The following ACCSL variants were observed in gnomAD, a reference collection of about 807,000 sequenced individuals.
ACCSL encodes 1-aminocyclopropane-1-carboxylate synthase homolog (inactive) like, also known as probable inactive 1-aminocyclopropane-1-carboxylate synthase-like protein 2.
In ACCSL, 55 loss-of-function variants were observed where a neutral mutation model predicts 61.7. That is an observed-to-expected ratio of 0.89 (90% confidence interval 0.72 to 1.12). The LOEUF (loss-of-function observed/expected upper bound fraction) is 1.12. ACCSL is among the 50% of genes most tolerant of loss of function. ACCSL has a pLI of 0.00. For synonymous variants in ACCSL, 258 were observed against 264.3 expected, an observed-to-expected ratio of 0.98 and a Z score of 0.23; for missense variants, 632 against 698.0, an observed-to-expected ratio of 0.91 and a Z score of 1.07.
chr11:43,982,224 C>G, the ACCSL span, among the ~76,000 whole-genome samples: 66 of 114,826 alleles, frequency 5.7e-4, no homozygotes, highest in Admixed American at 1.4e-3. Context: ...CCCCAAGGCC[C>G]TCTTTTTTTT....
At chr11:44,024,914 A>T in the ACCSL span, among the ~76,000 whole-genome samples, 1 of 152,152 alleles carries the variant, frequency 6.6e-6, no homozygotes, top group Non-Finnish European at 1.5e-5. Flanking sequence ...TGATATATTT[A>T]TCATTTTATT....
At chr11:43,966,079 C>A in the ACCSL span, among the ~76,000 whole-genome samples, 1 of 126,920 alleles carries the variant, frequency 7.9e-6, no homozygotes, top group African/African-American at 3.1e-5. Flanking sequence ...ACAACAAATG[C>A]TCAAGCAACT....
intron 7 of ACCSL, 51 bp downstream of exon 7, chr11:44,053,119 G>T (rs1342306628): frequency 6.6e-7 from 1 of 1,519,722 alleles, no homozygotes; most frequent in South Asian, 1.1e-5. Flanking sequence ...CCTAAAAGGG[G>T]TTTGAGTATT....
Position 44,056,287 on chromosome 11 carries a change from A to T in ACCSL, c.1288A>T (p.Ile430Phe). The change falls in exon 11 of 14, where the codon ATC becomes TTC. Residue 430 changes from isoleucine (I) to phenylalanine (F), a missense_variant. By Grantham distance (21) the Ile-to-Phe change is conservative. Transcript: ENST00000378832. ...AFGYLHSISG[I>F]TQHKLCQLLQ... ...TGGCTACCTCCACAGTATTTCTGGC[A>T]TCACCCAGCACAAGCTGTGTCAACT... 6.2e-7 allele frequency: 1 copy of T among 1,614,204 alleles called. No homozygotes were observed.
At chr11:43,996,933 C>G in the ACCSL span, among the ~76,000 whole-genome samples, 173 of 152,138 alleles carry the variant, frequency 1.1e-3, no homozygotes, top group African/African-American at 3.9e-3. Context: ...GTGCCTCAAC[C>G]TCCCAAATAG....
the ACCSL span, among the ~76,000 whole-genome samples, chr11:44,005,473 G>C: frequency 2.0e-5 from 3 of 152,094 alleles, no homozygotes; most frequent in Non-Finnish European, 4.4e-5. Flanking sequence ...TTTGCTCCTC[G>C]ACTCAGGGGC....
At chr11:43,998,686 A>G in the ACCSL span, among the ~76,000 whole-genome samples, 447 of 152,012 alleles carry the variant, frequency 2.9e-3, 5 homozygotes, top group African/African-American at 0.01. Context: ...TTCTTCATAG[A>G]TTCATTCATT....
chr11:44,017,965 T>C, the ACCSL span, among the ~76,000 whole-genome samples: 1 of 152,046 alleles, frequency 6.6e-6, no homozygotes, highest in Non-Finnish European at 1.5e-5. Flanking sequence ...TTTCCATAAA[T>C]CATAAATTTG....
the ACCSL span, among the ~76,000 whole-genome samples, chr11:44,028,432 T>C: frequency 6.6e-6 from 1 of 152,214 alleles, no homozygotes; most frequent in African/African-American, 2.4e-5. Flanking sequence ...CAGCCACATT[T>C]AGCACTTGAA....
At chr11:44,031,286 T>G in the ACCSL span, among the ~76,000 whole-genome samples, 1 of 152,334 alleles carries the variant, frequency 6.6e-6, no homozygotes, top group African/African-American at 2.4e-5. Flanking sequence ...CATCAGTTCC[T>G]GAAGACCCAG....
chr11:43,921,411 A>G, the ACCSL span, among the ~76,000 whole-genome samples: 3 of 152,212 alleles, frequency 2.0e-5, no homozygotes, highest in Non-Finnish European at 2.9e-5. Flanking sequence ...TTTCTCTAAG[A>G]AATATGAAAT....
At chr11:44,010,053 CCT>C in the ACCSL span, among the ~76,000 whole-genome samples, 1 of 152,156 alleles carries the variant, frequency 6.6e-6, no homozygotes, top group African/African-American at 2.4e-5. Context: ...AAAAACGTCA[CCT>C]CTCAGCTGTG....
the ACCSL span, among the ~76,000 whole-genome samples, chr11:43,923,848 G>C: frequency 1.3e-5 from 2 of 152,240 alleles, no homozygotes; most frequent in African/African-American, 4.8e-5. Context: ...TACCAAGAAG[G>C]CTGTTTTCTC....
the ACCSL span, among the ~76,000 whole-genome samples, chr11:43,940,358 C>CTT: frequency 3.0e-4 from 43 of 142,246 alleles, no homozygotes; most frequent in African/African-American, 8.2e-4. Context: ...GAAATTATAT[C>CTT]TTTTTTTTTT....
At chr11:43,935,683 CTA>C in the ACCSL span, among the ~76,000 whole-genome samples, 6 of 152,348 alleles carry the variant, frequency 3.9e-5, no homozygotes, top group East Asian at 9.6e-4. Context: ...TGTGGTCTCA[CTA>C]TGTTACTATG....
chr11:43,991,077 G>GA, the ACCSL span, among the ~76,000 whole-genome samples: 338 of 138,782 alleles, frequency 2.4e-3, 2 homozygotes, highest in East Asian at 0.031. Context: ...TCTCAAAAAA[G>GA]AAAAAAAAAA....
chr11:44,041,016 A>G, the ACCSL span, among the ~76,000 whole-genome samples: 1 of 152,146 alleles, frequency 6.6e-6, no homozygotes, highest in Admixed American at 6.5e-5. Context: ...TAATGATGGT[A>G]CCCTCCTAAT....
chr11:43,983,023 G>A, the ACCSL span, among the ~76,000 whole-genome samples: 3 of 152,194 alleles, frequency 2.0e-5, no homozygotes, highest in Non-Finnish European at 4.4e-5. Flanking sequence ...AGGGGTGCAA[G>A]ACAGAGGAGG....
the ACCSL span, among the ~76,000 whole-genome samples, chr11:43,953,945 A>G: frequency 6.6e-5 from 10 of 152,196 alleles, no homozygotes; most frequent in Non-Finnish European, 1.0e-4. Flanking sequence ...GAGAGATCCA[A>G]GCACCCTCTC....
Sources: gnomAD v4.1 joint callset for allele counts (sites outside exome capture counted in the v4.1 genomes callset) on GRCh38, gnomAD v4.1.1 for gene constraint, MANE v1.5 for transcripts, NCBI Gene and HGNC (gene_info 2026-07-23, HGNC 2026-07-21) for gene names.